The following NEDD4L variants were observed in gnomAD, a reference collection of about 807,000 sequenced individuals.
NEDD4L encodes the protein NEDD4 like E3 ubiquitin protein ligase.
In NEDD4L, 54 loss-of-function variants were observed where a neutral mutation model predicts 148.9. The observed-to-expected ratio is 0.36, with a 90% CI of 0.29 to 0.45. The LOEUF (loss-of-function observed/expected upper bound fraction) is 0.45, where lower values mean the gene tolerates loss of function less well. Among genes scored for constraint, NEDD4L ranks in the 20% least tolerant of loss-of-function variants. The pLI is 1.00. For missense variants in NEDD4L, 856 were observed against 1,233.8 expected (o/e 0.69, Z 4.59); for synonymous variants, 433 against 440.7 (o/e 0.98, Z 0.22).
chr18:58,310,032 TCTCA>T (rs1448708597), intron 5 of NEDD4L, among the ~76,000 whole-genome samples: 4 of 152,116 alleles, frequency 2.6e-5, no homozygotes, highest in African/African-American at 9.7e-5. Context: ...TCGCTCTCGC[TCTCA>T]CTCTCACTCT....
intron 2 of NEDD4L, among the ~76,000 whole-genome samples, chr18:58,209,105 AATAG>A (rs1220529291): frequency 9.9e-5 from 15 of 150,886 alleles, no homozygotes; most frequent in African/African-American, 3.4e-4. Context: ...TAAGAAAGAT[AATAG>A]ATAAGAGATT....
intron 2 of NEDD4L, among the ~76,000 whole-genome samples, chr18:58,213,940 T>G (rs78494030): frequency 0.29 from 44,761 of 152,004 alleles, 7,067 homozygotes; most frequent in East Asian, 0.47. Flanking sequence ...GTGCCTCTCG[T>G]TTGCCCCTTT....
chr18:58,152,282 G>A (rs2034877854), intron 1 of NEDD4L, among the ~76,000 whole-genome samples: 1 of 152,162 alleles, frequency 6.6e-6, no homozygotes, highest in Non-Finnish European at 1.5e-5. Context: ...GCAACACTCA[G>A]GACCTGTTCA....
intron 1 of NEDD4L, among the ~76,000 whole-genome samples, chr18:58,115,075 C>T (rs574916442): frequency 2.3e-4 from 35 of 152,248 alleles, no homozygotes; most frequent in African/African-American, 7.9e-4. Context: ...TTAGGACTCG[C>T]GCATCTTGGG....
intron 1 of NEDD4L, among the ~76,000 whole-genome samples, chr18:58,047,766 T>C (rs982739787): frequency 6.6e-6 from 1 of 152,218 alleles, no homozygotes; most frequent in African/African-American, 2.4e-5. Context: ...TTTGGACTAG[T>C]TTCTGCATCT....
At chr18:58,320,344 G>A (rs563037349) in intron 6 of NEDD4L, among the ~76,000 whole-genome samples, 18 of 152,112 alleles carry the variant, frequency 1.2e-4, no homozygotes, top group East Asian at 3.8e-4. Flanking sequence ...GTCAGAGTCC[G>A]TCTGTTCCCT....
chr18:58,195,640 CGT>C, intron 2 of NEDD4L: 1 of 1,350,928 alleles, frequency 7.4e-7, no homozygotes, highest in Non-Finnish European at 9.8e-7. Context: ...TCCTCGCCGC[CGT>C]TGCTGTTGTT....
chr18:58,245,720 G>A (rs563087893), intron 3 of NEDD4L, among the ~76,000 whole-genome samples: 11 of 126,250 alleles, frequency 8.7e-5, no homozygotes, highest in African/African-American at 1.8e-4. Flanking sequence ...TCACTCTGTC[G>A]CCCAGGCTGG....
intron 2 of NEDD4L, chr18:58,195,628 TCTCCTCGCCGCCG>T: frequency 7.4e-7 from 1 of 1,349,440 alleles, no homozygotes; most frequent in Non-Finnish European, 9.8e-7. Context: ...GACCAGGATT[TCTCCTCGCCGCCG>T]TTGCTGTTGT....
chr18:58,226,525 CAG>C (rs1834055256), intron 2 of NEDD4L, among the ~76,000 whole-genome samples: 1 of 152,174 alleles, frequency 6.6e-6, no homozygotes, highest in African/African-American at 2.4e-5. Flanking sequence ...AACGCATATG[CAG>C]AGCAACACAG....
chr18:58,349,782 T>G (rs984065858), intron 17 of NEDD4L, among the ~76,000 whole-genome samples, 168 bp downstream of exon 17: 2 of 152,236 alleles, frequency 1.3e-5, no homozygotes, highest in Admixed American at 1.3e-4. Flanking sequence ...AGTCATACAT[T>G]ATAGTTCATG....
intron 5 of NEDD4L, among the ~76,000 whole-genome samples, chr18:58,268,444 T>TC (rs1201647942): frequency 1.3e-5 from 2 of 151,910 alleles, no homozygotes; most frequent in East Asian, 1.9e-4. Flanking sequence ...GGTGCAAATC[T>TC]CCCCCCACAG....
intron 24 of NEDD4L, among the ~76,000 whole-genome samples, chr18:58,382,013 T>G (rs1015064467): frequency 6.6e-6 from 1 of 152,196 alleles, no homozygotes; most frequent in Admixed American, 6.5e-5. Context: ...AAATTCACAT[T>G]GGGCACAGTG....
chr18:58,367,023 C>A (rs2046203302), intron 21 of NEDD4L: 1 of 152,210 alleles, frequency 6.6e-6, no homozygotes, highest in African/African-American at 2.4e-5. Context: ...TACTGAGTCC[C>A]ATGAGAAAGC....
At chr18:58,270,340 C>T (rs533285128) in intron 5 of NEDD4L, among the ~76,000 whole-genome samples, 2 of 152,310 alleles carry the variant, frequency 1.3e-5, no homozygotes, top group African/African-American at 4.8e-5. Context: ...AGTGTGGTAG[C>T]GGAGCCTGGA....
At chr18:58,379,687 G>T (rs1246982379) in intron 24 of NEDD4L, among the ~76,000 whole-genome samples, 2 of 152,196 alleles carry the variant, frequency 1.3e-5, no homozygotes, top group Non-Finnish European at 2.9e-5. Flanking sequence ...TGCCTGCACT[G>T]CAGGAGACGG....
intron 5 of NEDD4L, among the ~76,000 whole-genome samples, chr18:58,303,035 A>G (rs2056678553): frequency 1.3e-5 from 2 of 152,246 alleles, no homozygotes; most frequent in Admixed American, 1.3e-4. Flanking sequence ...AAAGTGAAGT[A>G]GACACCTGCC....
At chr18:58,369,518 G>A (rs561632702) in intron 22 of NEDD4L, among the ~76,000 whole-genome samples, 7 of 151,760 alleles carry the variant, frequency 4.6e-5, no homozygotes, top group Non-Finnish European at 1.0e-4. Context: ...ACATCTGTCC[G>A]CTGCTCCCCC....
intron 2 of NEDD4L, chr18:58,194,077 T>G (rs2040405405): frequency 6.6e-6 from 1 of 152,308 alleles, no homozygotes; most frequent in Non-Finnish European, 1.5e-5. Flanking sequence ...GTGGCCTGAT[T>G]ACGAGTCTGT....
Sources: gnomAD v4.1 joint callset for allele counts (sites outside exome capture counted in the v4.1 genomes callset) on GRCh38, gnomAD v4.1.1 for gene constraint, MANE v1.5 for transcripts, NCBI Gene and HGNC (gene_info 2026-07-23, HGNC 2026-07-21) for gene names.